The following HMCN1 variants were observed in gnomAD, a reference collection of about 807,000 sequenced individuals.
The protein encoded by HMCN1 is hemicentin-1.
A neutral mutation model predicts 625.9 loss-of-function variants in HMCN1; 321 were observed. The ratio of observed to expected loss-of-function variants is 0.51; its 90% CI spans 0.47 to 0.56. HMCN1 has a LOEUF of 0.56. Ranked by LOEUF, HMCN1 falls within the 20% of genes least tolerant of loss-of-function variation. The probability of loss-of-function intolerance (pLI) is 0.00; values close to 1 mark genes in which losing one functional copy is unlikely to be tolerated. For synonymous variants in HMCN1, 2,425 were observed against 2,417.6 expected (o/e 1.00, Z -0.09); for missense variants, 6,588 against 6,887.3 (o/e 0.96, Z 1.54).
At chr1:186,077,957 G>T in intron 54 of HMCN1, 150 bp from the exon 55 acceptor site, 1 of 645,380 alleles carries the variant, frequency 1.5e-6, no homozygotes, top group Admixed American at 2.5e-5. Flanking sequence ...TTGTAAAAGT[G>T]GTATCTGAGA....
rs114124080 is a variant in HMCN1 at position 185,954,833 on chromosome 1, A to G, written c.1829-7685A>G. On this transcript the variant is annotated intron_variant, in intron 11 of 106. Coordinates refer to ENST00000271588, the MANE Select transcript of HMCN1 (RefSeq NM_031935.3). ...CAATATATCAATTTTTTAAAAATGG[A>G]ATTTCTTATGCCCTCTTTATTTATG... 3.2e-3 allele frequency among the ~76,000 whole-genome samples: 483 copies of G among 152,184 alleles called. 1 individual carries two copies. Among genetic ancestry groups the G allele is most frequent in the African/African-American group, 0.011 (465 of 41,532 alleles).
intron 86 of HMCN1, 78 bp downstream of exon 86, chr1:186,132,487 T>C: frequency 1.7e-6 from 2 of 1,183,522 alleles, no homozygotes; most frequent in South Asian, 1.3e-5. Context: ...TTTCTTTAAC[T>C]CTATAGCAAG....
At chr1:185,778,302 G>A (rs1346218418) in intron 1 of HMCN1, among the ~76,000 whole-genome samples, 1 of 151,786 alleles carries the variant, frequency 6.6e-6, no homozygotes, top group African/African-American at 2.4e-5. Context: ...TCTCTATGAA[G>A]GCTTCCCATT....
In HMCN1 at chr1:185,929,440, A is replaced by G. The variant is rs534588232; in HGVS notation, c.1552+773A>G. 1.5e-4 allele frequency among the ~76,000 whole-genome samples: 23 copies of G among 152,290 alleles called. No homozygotes were observed. In the South Asian group the frequency reaches 3.9e-3, roughly 26 times the overall value. ...GAAAAAAGACTACCATTTATAATCA[A>G]TGATCAGGATTAAGCCATTTACTCA... On this transcript the variant is annotated intron_variant, in intron 10 of 106. Coordinates refer to ENST00000271588, the MANE Select transcript of HMCN1 (RefSeq NM_031935.3).
intron 11 of HMCN1, among the ~76,000 whole-genome samples, chr1:185,948,810 G>T (rs1435275935): frequency 6.6e-6 from 1 of 151,720 alleles, no homozygotes; most frequent in South Asian, 2.1e-4. Flanking sequence ...TTGGGGGGTG[G>T]TATGGAGAGA....
chr1:186,005,455 G>A (rs1233032414), intron 29 of HMCN1, among the ~76,000 whole-genome samples: 3 of 147,468 alleles, frequency 2.0e-5, no homozygotes, highest in Admixed American at 6.7e-5. Context: ...GTTTATAAAT[G>A]TTTATAAACA....
chr1:186,038,954 G>T lies in HMCN1; in HGVS notation c.5977G>T (p.Ala1993Ser). ...ISDAGIYKCV[A>S]INSAGATELF... ...AGATGCTGGCATATATAAATGCGTG[G>T]CCATCAACTCAGCTGGAGCTACAGA... Residue 1993 changes from alanine to serine, a missense_variant, in exon 38 of 107, where the codon GCC becomes TCC. By Grantham distance (99) the Ala-to-Ser change is moderately conservative (BLOSUM62 1). Around this residue, in one of 3 missense-constraint regions of HMCN1, gnomAD observed 4,628 missense variants for 4,853.1 expected, o/e 0.95. Coordinates refer to ENST00000271588, the MANE Select transcript of HMCN1 (RefSeq NM_031935.3). 6.2e-7 allele frequency: 1 copy of T among 1,612,838 alleles called. No homozygotes were observed. Among genetic ancestry groups the T allele is most frequent in the African/African-American group, 1.3e-5 (1 of 74,966 alleles).
chr1:185,952,658 G>A (rs1013195210), intron 11 of HMCN1, among the ~76,000 whole-genome samples: 40 of 151,738 alleles, frequency 2.6e-4, no homozygotes, highest in East Asian at 1.2e-3. Flanking sequence ...GGGGTCAAGC[G>A]GCATTGCAGA....
intron 2 of HMCN1, among the ~76,000 whole-genome samples, chr1:185,849,666 G>C (rs997872854): frequency 6.6e-6 from 1 of 152,146 alleles, no homozygotes; most frequent in Non-Finnish European, 1.5e-5. Context: ...GAAACTGGAA[G>C]TTTGGCATTC....
chr1:185,914,529 T>G (rs1208345358), intron 6 of HMCN1, among the ~76,000 whole-genome samples: 1 of 152,106 alleles, frequency 6.6e-6, no homozygotes, highest in Non-Finnish European at 1.5e-5. Context: ...TCTAGTTATC[T>G]TCTATCACTT....
At chr1:186,007,547 T>C (rs1248447561) in intron 30 of HMCN1, among the ~76,000 whole-genome samples, 2 of 152,166 alleles carry the variant, frequency 1.3e-5, no homozygotes, top group African/African-American at 2.4e-5. Context: ...AATTTCCTAA[T>C]TGGTTAGTAT....
At chr1:185,974,323 T>G (rs1558108416) in intron 15 of HMCN1, among the ~76,000 whole-genome samples, 1 of 152,314 alleles carries the variant, frequency 6.6e-6, no homozygotes, top group East Asian at 1.9e-4. Flanking sequence ...ATATGTTTAA[T>G]GAGTGTTTAT....
chr1:186,187,814 C>T (rs1653440334), intron 105 of HMCN1, 69 bp from the exon 106 acceptor site: 2 of 1,598,266 alleles, frequency 1.3e-6, no homozygotes, highest in South Asian at 2.2e-5. Flanking sequence ...CACACATCTA[C>T]AGTGCCTGCT....
chr1:185,856,602 C>T (rs1270563752), intron 2 of HMCN1, among the ~76,000 whole-genome samples: 1 of 151,720 alleles, frequency 6.6e-6, no homozygotes, highest in Non-Finnish European at 1.5e-5. Context: ...CATGGGTGTT[C>T]CCTGTGAAAA....
chr1:186,130,092 A>T lies in HMCN1; in HGVS notation c.13031A>T (p.Tyr4344Phe), dbSNP rs2102515304. 6.2e-7 allele frequency: 1 copy of T among 1,613,116 alleles called. No individual in the cohort carries two copies. The highest frequency in any genetic ancestry group is 8.5e-7 in the Non-Finnish European group (1 of 1,179,280). The part of the protein sequence containing the change: ...VGFVKAIGFV[Y>F]VKEPPVFKGD... ...TTTGTGAAGGCAATTGGATTTGTTT[A>T]TGTGAAAGGTAGGGAAAAGCGCTCC... The change falls in exon 84 of 107, where the codon TAT becomes TTT. Residue 4344 changes from tyrosine to phenylalanine, a missense_variant. Transcript: ENST00000271588.
At chr1:185,828,857 G>T (rs1660684816) in intron 1 of HMCN1, among the ~76,000 whole-genome samples, 1 of 152,060 alleles carries the variant, frequency 6.6e-6, no homozygotes, top group South Asian at 2.1e-4. Context: ...ATGGGATATA[G>T]ATAAAACTCT....
At chr1:186,081,123 A>G (rs1659143107) in intron 55 of HMCN1, 84 bp from the exon 56 acceptor site, 2 of 1,169,730 alleles carry the variant, frequency 1.7e-6, no homozygotes, top group Non-Finnish European at 2.6e-6. Context: ...TATTATCCCA[A>G]AGTTTTTAAA....
rs569383096 is a variant in HMCN1, at chr1:186,115,296, G to C, written c.11443G>C (p.Val3815Leu). 3 of 1,613,978 alleles carry C rather than the reference G, an allele frequency of 1.9e-6. No individual in the cohort carries two copies. The highest frequency in any genetic ancestry group is 2.5e-6 in the Non-Finnish European group (3 of 1,179,928). The change falls in exon 75 of 107, where the codon GTA (valine) becomes CTA (leucine). Residue 3815 changes from valine to leucine, a missense_variant. This residue lies in a region of HMCN1 where 4,628 missense variants were observed against 4,853.1 expected (regional missense o/e 0.95). Transcript: ENST00000271588. ...TGCTCCGGGTCCTACCAACATGACT[G>C]TAATAGTAAATGTTCAAACTACTCT... ...SIAPGPTNMT[V>L]IVNVQTTLAC...
At chr1:185,784,737 AT>A (rs1657441006) in intron 1 of HMCN1, among the ~76,000 whole-genome samples, 1 of 151,930 alleles carries the variant, frequency 6.6e-6, no homozygotes, top group East Asian at 1.9e-4. Flanking sequence ...TCTTGTCTTT[AT>A]TTATTTTGTA....
Sources: gnomAD v4.1 joint callset for allele counts (sites outside exome capture counted in the v4.1 genomes callset) on GRCh38, gnomAD v4.1.1 for gene constraint, gnomAD v4.1.1 regional missense constraint, MANE v1.5 for transcripts, NCBI Gene and HGNC (gene_info 2026-07-23, HGNC 2026-07-21) for gene names.